The following MRPS27 variants were observed in gnomAD, a reference collection of about 807,000 sequenced individuals.
The protein encoded by MRPS27 is mitochondrial ribosomal protein S27.
Under a neutral mutation model 48.9 loss-of-function variants are expected in MRPS27, and 43 were observed. The ratio of observed to expected loss-of-function variants is 0.88; its 90% confidence interval spans 0.69 to 1.13. MRPS27 has a LOEUF of 1.13. Ranked by LOEUF, MRPS27 falls within the 50% of genes most tolerant of loss-of-function variation. MRPS27 has a pLI of 0.00. For synonymous variants in MRPS27, 188 were observed against 171.9 expected (o/e 1.09, Z -0.73); for missense variants, 467 against 476.3 (o/e 0.98, Z 0.18).
intron 2 of MRPS27, among the ~76,000 whole-genome samples, chr5:72,301,062 T>C (rs914447575): frequency 1.3e-5 from 2 of 152,240 alleles, no homozygotes; most frequent in Non-Finnish European, 2.9e-5. Context: ...GAAATTGGTA[T>C]CAAGTAATAA....
At chr5:72,232,347 C>A (rs556487972) in intron 7 of MRPS27, 96 bp downstream of exon 7, 7 of 775,038 alleles carry the variant, frequency 9.0e-6, no homozygotes, top group African/African-American at 7.2e-5. Context: ...TTGTGCCTGG[C>A]CACAGAGCTG....
chr5:72,234,261 T>C, intron 5 of MRPS27, 64 bp from the exon 6 acceptor site: 5 of 1,250,788 alleles, frequency 4.0e-6, no homozygotes, highest in Non-Finnish European at 5.2e-6. Context: ...CTGTAATATA[T>C]GCCTATGTAT....
At chr5:72,267,466 T>C (rs1749133204) in intron 4 of MRPS27, among the ~76,000 whole-genome samples, 1 of 152,154 alleles carries the variant, frequency 6.6e-6, no homozygotes, top group African/African-American at 2.4e-5. Context: ...CCTAAAAATT[T>C]ATCCTTATTT....
chr5:72,272,186 C>T (rs1305470409), intron 4 of MRPS27, among the ~76,000 whole-genome samples: 1 of 152,166 alleles, frequency 6.6e-6, no homozygotes, highest in East Asian at 1.9e-4. Flanking sequence ...TCTGTCTCTA[C>T]AGCCTGTGAG....
At chr5:72,250,411 AC>A (rs2111981957) in intron 4 of MRPS27, among the ~76,000 whole-genome samples, 1 of 152,310 alleles carries the variant, frequency 6.6e-6, no homozygotes, top group African/African-American at 2.4e-5. Context: ...ACTGAACCAA[AC>A]CACAGTAATG....
chr5:72,273,996 T>C (rs773016850), intron 4 of MRPS27, among the ~76,000 whole-genome samples: 1 of 152,224 alleles, frequency 6.6e-6, no homozygotes, highest in Non-Finnish European at 1.5e-5. Context: ...TCTTATTCTA[T>C]AAGCATTTTT....
At chr5:72,296,526 A>G (rs1029493032) in intron 3 of MRPS27, among the ~76,000 whole-genome samples, 4 of 152,216 alleles carry the variant, frequency 2.6e-5, no homozygotes, top group African/African-American at 9.7e-5. Flanking sequence ...AGTATAAGGC[A>G]CCAATGAGAA....
intron 4 of MRPS27, among the ~76,000 whole-genome samples, chr5:72,266,846 C>T (rs1054612190): frequency 2.0e-5 from 3 of 151,420 alleles, no homozygotes; most frequent in Admixed American, 6.6e-5. Flanking sequence ...GGTGACAGAG[C>T]GAGATTTCGT....
chr5:72,309,783 C>G (rs1261075186), intron 2 of MRPS27, among the ~76,000 whole-genome samples: 1 of 152,196 alleles, frequency 6.6e-6, no homozygotes, highest in African/African-American at 2.4e-5. Context: ...GCTTATAATT[C>G]ACATATGGCA....
At chr5:72,263,489 TAC>T (rs1403495848) in intron 4 of MRPS27, among the ~76,000 whole-genome samples, 2 of 149,740 alleles carry the variant, frequency 1.3e-5, no homozygotes, top group Non-Finnish European at 3.0e-5. Context: ...AAAGACAACT[TAC>T]AGAGTGAAAT....
At chr5:72,236,711 G>C (rs887275899) in intron 5 of MRPS27, among the ~76,000 whole-genome samples, 2 of 152,010 alleles carry the variant, frequency 1.3e-5, no homozygotes, top group African/African-American at 4.8e-5. Context: ...CCAGGAAAAA[G>C]GCAATGTATT....
chr5:72,278,682 G>A (rs1255915773), intron 4 of MRPS27, among the ~76,000 whole-genome samples: 1 of 151,848 alleles, frequency 6.6e-6, no homozygotes, highest in East Asian at 1.9e-4. Flanking sequence ...ATATTGCTTT[G>A]CATATTTTCA....
intron 9 of MRPS27, 113 bp from the exon 10 acceptor site, chr5:72,223,963 A>G (rs1747827268): frequency 9.7e-7 from 1 of 1,029,780 alleles, no homozygotes; most frequent in South Asian, 1.7e-5. Flanking sequence ...AAGACTGTGA[A>G]AACATTTCTC....
At chr5:72,252,963 C>G (rs1748705815) in intron 4 of MRPS27, among the ~76,000 whole-genome samples, 1 of 152,150 alleles carries the variant, frequency 6.6e-6, no homozygotes, top group African/African-American at 2.4e-5. Flanking sequence ...GGCTCACTCT[C>G]TCCAGAAAGA....
intron 4 of MRPS27, among the ~76,000 whole-genome samples, chr5:72,254,988 G>A (rs1032361593): frequency 1.3e-5 from 2 of 148,912 alleles, no homozygotes; most frequent in Admixed American, 6.7e-5. Flanking sequence ...CTATATAGCA[G>A]AGCTTACCCT....
At chr5:72,311,193 C>T (rs565192019) in intron 2 of MRPS27, among the ~76,000 whole-genome samples, 1 of 152,024 alleles carries the variant, frequency 6.6e-6, no homozygotes, top group Admixed American at 6.6e-5. Flanking sequence ...TCAAAATTTC[C>T]GAAGTTGGTA....
intron 4 of MRPS27, among the ~76,000 whole-genome samples, chr5:72,243,109 A>G (rs1748404570): frequency 6.6e-6 from 1 of 152,226 alleles, no homozygotes; most frequent in South Asian, 2.1e-4. Context: ...AGCTGGGTAG[A>G]CAGAGATGGG....
At position 72,267,472 on chromosome 5, in the gene MRPS27, T is replaced by C. The variant is rs111497437; in HGVS notation, c.281+28059A>G. On this transcript the variant is annotated intron_variant, in intron 4 of 10. Transcript: ENST00000261413. ...TTGAAACCACCTAAAAATTTATCCT[T>C]ATTTGCTCATTAAATAAGTTCAAAC... is the stretch of plus-strand genomic sequence containing the variant. Among the ~76,000 whole-genome samples the C allele has an allele frequency of 1.2e-3, 185 of 152,290 alleles. 1 individual carries two copies. Among genetic ancestry groups the C allele is most frequent in the African/African-American group, 4.2e-3 (174 of 41,550 alleles).
chr5:72,264,970 T>C (rs1295280273), intron 4 of MRPS27, among the ~76,000 whole-genome samples: 1 of 152,192 alleles, frequency 6.6e-6, no homozygotes, highest in African/African-American at 2.4e-5. Flanking sequence ...AACTAGACCG[T>C]GAGGGGAGCT....
Sources: gnomAD v4.1 joint callset for allele counts (sites outside exome capture counted in the v4.1 genomes callset) on GRCh38, gnomAD v4.1.1 for gene constraint, MANE v1.5 for transcripts, NCBI Gene and HGNC (gene_info 2026-07-23, HGNC 2026-07-21) for gene names.